The following GLG1 variants were observed in gnomAD, a reference collection of about 807,000 sequenced individuals.
The protein encoded by GLG1 is golgi glycoprotein 1, also known as Golgi apparatus protein 1.
Under a neutral mutation model 160.5 loss-of-function variants are expected in GLG1, and 38 were observed. The observed-to-expected ratio is 0.24, with a 90% CI of 0.18 to 0.31. The LOEUF is 0.31. Among genes scored for constraint, GLG1 ranks in the 10% least tolerant of loss-of-function variants. GLG1 has a pLI of 1.00. For missense variants in GLG1, 1,373 were observed against 1,505.2 expected (o/e 0.91, Z 1.45); for synonymous variants, 644 against 543.4 (o/e 1.19, Z -2.57).
At chr16:74,468,562 T>A (rs1005836832) in intron 17 of GLG1, 3 of 196,266 alleles carry the variant, frequency 1.5e-5, no homozygotes, top group African/African-American at 6.9e-5. Flanking sequence ...AGGCAGGGTT[T>A]CATCACGTTG....
intron 1 of GLG1, among the ~76,000 whole-genome samples, chr16:74,563,851 G>A (rs1199841377): frequency 1.3e-5 from 2 of 152,184 alleles, no homozygotes; most frequent in Non-Finnish European, 2.9e-5. Context: ...TCTTGCTAAA[G>A]GTCTACTGGA....
chr16:74,598,468 C>T (rs535662436), intron 1 of GLG1, among the ~76,000 whole-genome samples: 13 of 147,804 alleles, frequency 8.8e-5, no homozygotes, highest in Non-Finnish European at 1.5e-4. Flanking sequence ...TTGCAGTGAG[C>T]CGAGATCGCG....
chr16:74,588,528 T>G (rs554030012), intron 1 of GLG1, among the ~76,000 whole-genome samples: 1 of 152,150 alleles, frequency 6.6e-6, no homozygotes, highest in African/African-American at 2.4e-5. Context: ...CAGGTGATGC[T>G]CCCACCTCAG....
intron 1 of GLG1, among the ~76,000 whole-genome samples, chr16:74,605,576 T>A (rs1958547533): frequency 6.6e-6 from 1 of 152,146 alleles, no homozygotes. Flanking sequence ...TCTGGAAACT[T>A]CCTTTCTTTC....
rs1200198501 is a variant in GLG1 at position 74,497,629 on chromosome 16, G to A, written c.775-985C>T. ...ATTTTTTGTGTTTTTAATAGAGACG[G>A]GGTTTCACCGTGTTAGCCAGGATGG... On this transcript the variant is annotated intron_variant, in intron 4 of 25. Transcript: ENST00000422840. Among the ~76,000 whole-genome samples, 4 of 152,026 alleles carry A rather than the reference G, an allele frequency of 2.6e-5. 1 individual carries two copies. In the Middle Eastern group the frequency reaches 0.01, roughly 388 times the overall value.
At chr16:74,477,776 C>G (rs1379238343) in intron 11 of GLG1, among the ~76,000 whole-genome samples, 1 of 151,882 alleles carries the variant, frequency 6.6e-6, no homozygotes, top group Admixed American at 6.6e-5. Flanking sequence ...GAGTTTGAGA[C>G]CAGCCTGACC....
At position 74,606,737 on chromosome 16, in the gene GLG1, C is replaced by T. The variant is rs751623570; in HGVS notation, c.358G>A (p.Glu120Lys). The T allele has an allele frequency of 6.2e-7, 1 of 1,613,230 alleles. No individual in the cohort carries two copies. The highest frequency in any genetic ancestry group is 8.5e-7 in the Non-Finnish European group (1 of 1,179,442). Reference protein sequence around the residue: ...WKLAEEESCREDVTRVCPKHT... With the variant: ...WKLAEEESCRKDVTRVCPKHT... ...TTAGGGCACACGCGGGTCACGTCCT[C>T]CCTGCAGGACTCTTCCTCCGCCAGC... Residue 120 changes from glutamate (E) to lysine (K), a missense_variant, in exon 1 of 26, where the codon GAG becomes AAG. Transcript: ENST00000422840.
chr16:74,519,375 C>T (rs1393466540), intron 2 of GLG1, among the ~76,000 whole-genome samples: 1 of 151,892 alleles, frequency 6.6e-6, no homozygotes, highest in Non-Finnish European at 1.5e-5. Context: ...AGGAGAAATA[C>T]CTAATGTAGG....
chr16:74,531,931 G>A (rs1273567256), intron 2 of GLG1, among the ~76,000 whole-genome samples, 190 bp downstream of exon 2: 3 of 152,078 alleles, frequency 2.0e-5, no homozygotes, highest in Non-Finnish European at 4.4e-5. Context: ...ATATTATTTG[G>A]GAGAACCTGC....
chr16:74,567,211 C>G (rs76968502), intron 1 of GLG1, among the ~76,000 whole-genome samples: 1 of 147,232 alleles, frequency 6.8e-6, no homozygotes, highest in Non-Finnish European at 1.5e-5. Flanking sequence ...GAGAGAGAGA[C>G]AGAGAGAGAG....
rs1331017815 is a variant in GLG1, at chr16:74,603,084, C to A, written c.438+3573G>T. On this transcript the variant is annotated intron_variant, in intron 1 of 25. Transcript: ENST00000422840. Reference sequence around the variant, plus strand: ...CAGCCTGAGCAACAGGGCAAGACTTCGTCTCAAACAACAACAACAACAACA... The same window carrying A: ...CAGCCTGAGCAACAGGGCAAGACTTAGTCTCAAACAACAACAACAACAACA... Among the ~76,000 whole-genome samples, 5 of 143,962 alleles carry A rather than the reference C, an allele frequency of 3.5e-5. No individual in the cohort carries two copies. In the East Asian group the frequency reaches 9.8e-4, roughly 28 times the overall value. The allele number at this position is 143,962 out of a possible 152,430, so 94.4% of individuals were successfully genotyped here.
At chr16:74,601,359 C>G (rs1958435150) in intron 1 of GLG1, among the ~76,000 whole-genome samples, 1 of 151,390 alleles carries the variant, frequency 6.6e-6, no homozygotes, top group Non-Finnish European at 1.5e-5. Context: ...GAGGGTGGGT[C>G]GGTTGAGCTC....
Position 74,457,958 on chromosome 16 carries a change from T to C in GLG1, c.3181A>G (p.Ile1061Val), listed in dbSNP as rs1297847068. Residue 1061 changes from isoleucine (I) to valine (V), a missense_variant, in exon 24 of 26, where the codon ATC becomes GTC. By Grantham distance (29) the Ile-to-Val change is conservative. Transcript: ENST00000422840. ...LNMLKESKAD[I>V]FVDPVLHTAC... The stretch of plus-strand genomic sequence containing the variant: ...GTATGAAGTACCGGGTCAACAAAGA[T>C]GTCTGCTTTGCTTTCCTTCAGCATG... 1.2e-6 allele frequency: 2 copies of C among 1,613,746 alleles called. No homozygotes were observed. Among genetic ancestry groups the C allele is most frequent in the African/African-American group, 1.3e-5 (1 of 75,042 alleles).
rs1456415076 is a variant in GLG1 at position 74,483,004 on chromosome 16, T to A, written c.1673+19A>T. On this transcript the variant is annotated intron_variant, in intron 10 of 25. Transcript: ENST00000422840. ...AAGAGGCTGAGGCAATACATTTACTTTGGCTTCAAAATACTCACTTCCAAT... is the reference window on the plus strand; with the variant it reads ...AAGAGGCTGAGGCAATACATTTACTATGGCTTCAAAATACTCACTTCCAAT... The A allele has an allele frequency of 2.3e-6, 3 of 1,319,362 alleles. No individual in the cohort carries two copies. The highest frequency in any genetic ancestry group is 2.3e-5 in the East Asian group (1 of 43,502). 81.7% of individuals were successfully genotyped at this position (1,319,362 alleles called of 1,614,324 possible).
chr16:74,493,176 T>C, intron 6 of GLG1, 36 bp from the exon 7 acceptor site: 1 of 1,467,830 alleles, frequency 6.8e-7, no homozygotes, highest in Non-Finnish European at 9.4e-7. Context: ...GTGAGACCAC[T>C]CATGTAACTT....
chr16:74,470,116 T>C (rs755975767), intron 15 of GLG1, 43 bp from the exon 16 acceptor site: 2 of 1,210,388 alleles, frequency 1.7e-6, no homozygotes, highest in Non-Finnish European at 2.4e-6. Context: ...TTGTGGCAAC[T>C]TGTGGTCAGT....
chr16:74,480,279 A>G lies in GLG1; in HGVS notation c.1789T>C (p.Tyr597His). Residue 597 changes from tyrosine (Y) to histidine (H), a missense_variant, in exon 11 of 26, where the codon TAC (tyrosine) becomes CAC (histidine). Physicochemically the swap from Tyr to His is moderately conservative, Grantham distance 83. Coordinates refer to ENST00000422840, the MANE Select transcript of GLG1 (RefSeq NM_001145667.2). ...MPQGAVFSCL[Y>H]RHAYRTEEQG... is the part of the protein sequence containing the mutation. ...TCCTCAGTGCGGTAGGCGTGTCTGT[A>G]TAAACAAGAGAACACAGCTCCCTGA... 6.2e-7 allele frequency: 1 copy of G among 1,613,146 alleles called. No individual in the cohort carries two copies. Among genetic ancestry groups the G allele is most frequent in the Non-Finnish European group, 8.5e-7 (1 of 1,179,040 alleles).
intron 2 of GLG1, among the ~76,000 whole-genome samples, chr16:74,525,908 C>T (rs1415327567): frequency 2.0e-5 from 3 of 152,106 alleles, no homozygotes; most frequent in African/African-American, 7.2e-5. Context: ...GTAATCCCAG[C>T]ACTTTGGGAG....
At chr16:74,494,897 AT>A in intron 5 of GLG1, 66 bp from the exon 6 acceptor site, 1 of 809,602 alleles carries the variant, frequency 1.2e-6, no homozygotes, top group Non-Finnish European at 2.2e-6. Flanking sequence ...ATTATCCACA[AT>A]CTCATATAGA....
Sources: allele counts gnomAD v4.1 joint callset (sites outside exome capture counted in the v4.1 genomes callset), GRCh38; gene constraint gnomAD v4.1.1; transcripts MANE v1.5; gene names NCBI Gene and HGNC (gene_info 2026-07-23, HGNC 2026-07-21).